Variants in STXBP5 observed in about 807,000 individuals in gnomAD.
STXBP5 encodes syntaxin-binding protein 5.
In STXBP5, 50 loss-of-function variants were observed where a neutral mutation model predicts 152.4. That is an observed-to-expected ratio of 0.33 (90% CI 0.26 to 0.42). The LOEUF is 0.42. STXBP5 is among the 10% of genes least tolerant of loss of function. The probability of loss-of-function intolerance (pLI) is 1.00; values close to 1 mark genes in which losing one functional copy is unlikely to be tolerated. For synonymous variants in STXBP5, 492 were observed against 494.7 expected (o/e 0.99, Z 0.07); for missense variants, 1,167 against 1,388.6 (o/e 0.84, Z 2.54).
chr6:147,226,946 A>G (rs984627286), intron 2 of STXBP5, among the ~76,000 whole-genome samples: 11 of 152,174 alleles, frequency 7.2e-5, no homozygotes, highest in Non-Finnish European at 1.5e-5. Context: ...TTAGTACAAG[A>G]AGCTCTGATT....
intron 16 of STXBP5, among the ~76,000 whole-genome samples, chr6:147,319,176 A>C (rs1445789138): frequency 6.6e-6 from 1 of 152,132 alleles, no homozygotes; most frequent in African/African-American, 2.4e-5. Flanking sequence ...GCTAAAAAAA[A>C]TGGGGGGGTT....
intron 18 of STXBP5, among the ~76,000 whole-genome samples, chr6:147,333,374 A>T (rs1351997632): frequency 1.3e-5 from 2 of 152,060 alleles, no homozygotes; most frequent in Admixed American, 6.6e-5. Context: ...ATACAAAAAA[A>T]CTAGCCAGGC....
chr6:147,257,649 C>T (rs1161798728), intron 4 of STXBP5, among the ~76,000 whole-genome samples: 1 of 152,162 alleles, frequency 6.6e-6, no homozygotes, highest in Non-Finnish European at 1.5e-5. Context: ...ATTTCAGCTT[C>T]ATGAAACATA....
intron 25 of STXBP5, among the ~76,000 whole-genome samples, chr6:147,364,502 T>C (rs1785205161): frequency 6.6e-6 from 1 of 152,204 alleles, no homozygotes; most frequent in Non-Finnish European, 1.5e-5. Flanking sequence ...TAAAGAAGTG[T>C]GTTAATGTGA....
chr6:147,366,094 A>G (rs1304441385), intron 25 of STXBP5, among the ~76,000 whole-genome samples: 1 of 152,206 alleles, frequency 6.6e-6, no homozygotes, highest in Non-Finnish European at 1.5e-5. Flanking sequence ...AAAGCCTGGC[A>G]GACTTCCCAA....
At chr6:147,375,483 C>T (rs988805225) in intron 26 of STXBP5, among the ~76,000 whole-genome samples, 3 of 151,632 alleles carry the variant, frequency 2.0e-5, no homozygotes, top group Non-Finnish European at 2.9e-5. Context: ...TAGGAGAAGT[C>T]ATCTAAAATG....
chr6:147,375,356 C>A (rs964753433), intron 26 of STXBP5, among the ~76,000 whole-genome samples: 10 of 151,846 alleles, frequency 6.6e-5, no homozygotes, highest in African/African-American at 2.2e-4. Flanking sequence ...TGTGAAAAAA[C>A]CCAGAATGAA....
intron 17 of STXBP5, among the ~76,000 whole-genome samples, chr6:147,325,570 A>G (rs1364436329): frequency 6.6e-6 from 1 of 152,228 alleles, no homozygotes; most frequent in East Asian, 1.9e-4. Flanking sequence ...TGTTTTATCA[A>G]TTCATGCCTT....
intron 2 of STXBP5, among the ~76,000 whole-genome samples, chr6:147,221,340 A>G (rs978983110): frequency 6.6e-6 from 1 of 152,052 alleles, no homozygotes; most frequent in Non-Finnish European, 1.5e-5. Flanking sequence ...TAAGAAACAG[A>G]AAAGTTTTTA....
chr6:147,287,535 C>T (rs1224462126), intron 8 of STXBP5, among the ~76,000 whole-genome samples: 1 of 152,186 alleles, frequency 6.6e-6, no homozygotes, highest in Non-Finnish European at 1.5e-5. Context: ...AAGAGTGGAA[C>T]TGGATTGTTT....
chr6:147,213,060 GTC>G (rs1279993281), intron 2 of STXBP5, among the ~76,000 whole-genome samples: 2 of 152,098 alleles, frequency 1.3e-5, no homozygotes, highest in Admixed American at 6.6e-5. Context: ...AATAGAGACT[GTC>G]TCTCTTGAAT....
intron 9 of STXBP5, among the ~76,000 whole-genome samples, 173 bp from the exon 10 acceptor site, chr6:147,309,911 A>G (rs1015143328): frequency 1.3e-5 from 2 of 152,162 alleles, no homozygotes; most frequent in Admixed American, 1.3e-4. Context: ...TCAGCAATTC[A>G]CTTGGGTCTT....
At chr6:147,346,533 G>C (rs1015056102) in intron 21 of STXBP5, among the ~76,000 whole-genome samples, 7 of 152,136 alleles carry the variant, frequency 4.6e-5, no homozygotes, top group African/African-American at 1.7e-4. Context: ...GAGGTCAAGA[G>C]TTCGAGACCA....
chr6:147,260,665 C>A lies in STXBP5; in HGVS notation c.482C>A (p.Thr161Asn). Residue 161 changes from threonine to asparagine, a missense_variant, in exon 5 of 28, where the codon ACT (threonine) becomes AAT (asparagine). Physicochemically the swap from Thr to Asn is moderately conservative, Grantham distance 65. Transcript: ENST00000321680. ...CAGAGTAAGTGGCTCTATGTGGGCA[C>A]TGAACGAGGTAATATACATATTGTC... Reference protein sequence around the residue: ...PFQSKWLYVGTERGNIHIVNV... With the variant: ...PFQSKWLYVGNERGNIHIVNV... 1 of 1,613,650 alleles carries A rather than the reference C, an allele frequency of 6.2e-7. No homozygotes were observed. The highest frequency in any genetic ancestry group is 8.5e-7 in the Non-Finnish European group (1 of 1,179,752).
At chr6:147,218,244 A>G (rs551175620) in intron 2 of STXBP5, among the ~76,000 whole-genome samples, 1 of 152,268 alleles carries the variant, frequency 6.6e-6, no homozygotes, top group East Asian at 1.9e-4. Flanking sequence ...TGCACATTTT[A>G]TGTGTTTAGA....
intron 13 of STXBP5, 36 bp downstream of exon 13, chr6:147,314,367 A>C (rs1213744919): frequency 6.5e-7 from 1 of 1,540,194 alleles, no homozygotes; most frequent in African/African-American, 1.4e-5. Context: ...GTAAATCTAT[A>C]ATAGCTAAAT....
In STXBP5 at chr6:147,239,193, T is replaced by C; in HGVS notation, c.354T>C (p.Ala118=). The C allele has an allele frequency of 6.2e-7, 1 of 1,613,526 alleles. No individual in the cohort carries two copies. Among genetic ancestry groups the C allele is most frequent in the Non-Finnish European group, 8.5e-7 (1 of 1,179,650 alleles). ...AGGGAGCGCTTGTGAGTGCCTTGGC[T>C]GATGACACCTTACACTTATGGAATT... is the stretch of plus-strand genomic sequence containing the variant. ...INEGALVSAL[A]DDTLHLWNLR... The change falls in exon 4 of 28, where the codon GCT becomes GCC. Residue 118 remains alanine (A), a synonymous_variant. Transcript: ENST00000321680.
chr6:147,240,874 A>G (rs2115213312), intron 4 of STXBP5, among the ~76,000 whole-genome samples: 1 of 152,304 alleles, frequency 6.6e-6, no homozygotes, highest in East Asian at 1.9e-4. Flanking sequence ...GGGAGATGTA[A>G]GGAAAGATAG....
chr6:147,257,480 G>T (rs1007087825), intron 4 of STXBP5, among the ~76,000 whole-genome samples: 3 of 151,758 alleles, frequency 2.0e-5, no homozygotes, highest in African/African-American at 7.3e-5. Flanking sequence ...ATAGACACCA[G>T]CACTACAAAA....
Sources: allele counts gnomAD v4.1 joint callset (sites outside exome capture counted in the v4.1 genomes callset), GRCh38; gene constraint gnomAD v4.1.1; transcripts MANE v1.5; gene names NCBI Gene and HGNC (gene_info 2026-07-23, HGNC 2026-07-21).